The following C2orf74 variants were observed in gnomAD, a reference collection of about 807,000 sequenced individuals.
C2orf74 encodes the protein DPM1 ER membrane anchor 1.
Under a neutral mutation model 17.9 loss-of-function variants are expected in C2orf74, and 14 were observed. The ratio of observed to expected loss-of-function variants is 0.78; its 90% CI spans 0.52 to 1.22. The LOEUF (loss-of-function observed/expected upper bound fraction) is 1.22. Ranked by LOEUF, C2orf74 falls within the 50% of genes most tolerant of loss-of-function variation. The probability of loss-of-function intolerance (pLI) is 0.00; values close to 1 mark genes in which losing one functional copy is unlikely to be tolerated. For missense variants in C2orf74, 217 were observed against 218.4 expected, an observed-to-expected ratio of 0.99 and a Z score of 0.04; for synonymous variants, 79 against 72.6, an observed-to-expected ratio of 1.09 and a Z score of -0.44.
intron 1 of C2orf74, among the ~76,000 whole-genome samples, chr2:61,146,774 G>A (rs1335325309): frequency 6.6e-6 from 1 of 152,072 alleles, no homozygotes; most frequent in East Asian, 1.9e-4. Flanking sequence ...GGGAGTCGGA[G>A]GTTGCAGTGA....
In C2orf74 at chr2:61,162,412, C is replaced by G; in HGVS notation, c.-99-4C>G. The G allele has an allele frequency of 4.6e-6, 4 of 862,478 alleles. No individual in the cohort carries two copies. The highest frequency in any genetic ancestry group is 7.3e-6 in the Non-Finnish European group (4 of 550,978). 53.4% of individuals were successfully genotyped at this position (862,478 alleles called of 1,614,324 possible). A position where few individuals can be genotyped will look rare whatever the true frequency, so the allele number is the denominator to read the frequency against. ...AAAACAGCTTTTTATTCCTCTGTTT[C>G]TAGAAAACTTAAAGAACAAGAGAAC... On this transcript the variant is annotated splice_polypyrimidine_tract_variant and splice_region_variant and intron_variant, in intron 1 of 4. Coordinates refer to ENST00000432605, the MANE Select transcript of C2orf74 (RefSeq NM_001143959.4).
chr2:61,148,445 C>G (rs1685133339), intron 1 of C2orf74, among the ~76,000 whole-genome samples: 1 of 152,028 alleles, frequency 6.6e-6, no homozygotes, highest in Non-Finnish European at 1.5e-5. Context: ...CCTCAGCCTC[C>G]CAAAATGCTG....
chr2:61,157,035 TTGAC>T (rs1685411977), intron 1 of C2orf74, among the ~76,000 whole-genome samples: 2 of 152,196 alleles, frequency 1.3e-5, no homozygotes, highest in South Asian at 4.1e-4. Flanking sequence ...GATTGATTGA[TTGAC>T]TGATCGATTG....
upstream of C2orf74, among the ~76,000 whole-genome samples, chr2:61,157,290 C>T (rs1307086926): frequency 1.3e-5 from 2 of 152,212 alleles, no homozygotes; most frequent in African/African-American, 2.4e-5. Context: ...ATCCACCTGC[C>T]TCAGCCTCCC....
At chr2:61,153,424 G>T (rs1185494478) in intron 1 of C2orf74, among the ~76,000 whole-genome samples, 1 of 151,286 alleles carries the variant, frequency 6.6e-6, no homozygotes, top group East Asian at 2.0e-4. Context: ...GGGACTACAG[G>T]CGCCCACCAC....
chr2:61,162,494 A>C lies in C2orf74; in HGVS notation c.-21A>C. On this transcript the variant is annotated 5_prime_UTR_variant, in exon 2 of 5. It removes an upstream start codon present in the reference 5' UTR. Transcript: ENST00000432605. ...GGACAGTCTGTGATTGTGAGAGTGGATGAGTCTTCTAGCTAAACCTATGAG... is the reference window on the plus strand; with the variant it reads ...GGACAGTCTGTGATTGTGAGAGTGGCTGAGTCTTCTAGCTAAACCTATGAG... The C allele has an allele frequency of 3.9e-6, 6 of 1,532,158 alleles. No homozygotes were observed. Among genetic ancestry groups the C allele is most frequent in the Non-Finnish European group, 5.3e-6 (6 of 1,130,532 alleles). 94.9% of individuals were successfully genotyped at this position (1,532,158 alleles called of 1,614,324 possible). A position where few individuals can be genotyped will look rare whatever the true frequency, so the allele number is the denominator to read the frequency against.
intron 1 of C2orf74, among the ~76,000 whole-genome samples, chr2:61,149,437 C>A (rs1685160002): frequency 6.6e-6 from 1 of 152,106 alleles, no homozygotes; most frequent in African/African-American, 2.4e-5. Context: ...GAGCTAAAGT[C>A]AGAAAAACTT....
intron 1 of C2orf74, among the ~76,000 whole-genome samples, chr2:61,155,149 A>G (rs1425843080): frequency 6.6e-6 from 1 of 152,240 alleles, no homozygotes; most frequent in African/African-American, 2.4e-5. Context: ...AGTTGCTCAA[A>G]TGACAAATTT....
chr2:61,149,559 A>T, intron 1 of C2orf74, among the ~76,000 whole-genome samples: 1 of 142,268 alleles, frequency 7.0e-6, no homozygotes, highest in South Asian at 2.3e-4. Flanking sequence ...CCCCGTCTAG[A>T]TGTTGGGCGC....
intron 1 of C2orf74, among the ~76,000 whole-genome samples, chr2:61,148,327 C>T (rs1219661796): frequency 6.6e-6 from 1 of 151,680 alleles, no homozygotes; most frequent in Non-Finnish European, 1.5e-5. Context: ...GCTGGGATTA[C>T]AGGTGCCTGC....
intron 1 of C2orf74, among the ~76,000 whole-genome samples, chr2:61,146,363 C>G (rs1214932642): frequency 6.6e-6 from 1 of 152,026 alleles, no homozygotes; most frequent in African/African-American, 2.4e-5. Flanking sequence ...TAAATTCTGG[C>G]AATATACTCA....
intron 1 of C2orf74, among the ~76,000 whole-genome samples, chr2:61,147,728 TG>T (rs1202203323): frequency 6.6e-6 from 1 of 152,172 alleles, no homozygotes; most frequent in East Asian, 1.9e-4. Flanking sequence ...ATTATTTGTG[TG>T]GCAAATATTT....
At chr2:61,155,026 C>G (rs541991846) in intron 1 of C2orf74, among the ~76,000 whole-genome samples, 1 of 152,078 alleles carries the variant, frequency 6.6e-6, no homozygotes, top group Non-Finnish European at 1.5e-5. Context: ...GATCACACCA[C>G]TGCACTCCAG....
At chr2:61,152,423 C>T (rs532026225) in intron 1 of C2orf74, among the ~76,000 whole-genome samples, 1 of 152,026 alleles carries the variant, frequency 6.6e-6, no homozygotes, top group South Asian at 2.1e-4. Flanking sequence ...CACCTGTAGT[C>T]CCAGCTACTC....
chr2:61,158,370 C>G (rs150232685), upstream of C2orf74, among the ~76,000 whole-genome samples: 416 of 152,194 alleles, frequency 2.7e-3, 2 homozygotes, highest in African/African-American at 9.3e-3. Flanking sequence ...TATGAAAGAC[C>G]CTGTCACTTC....
At chr2:61,162,034 G>A (rs1423764913), upstream of C2orf74, 1 of 159,834 alleles carries the variant, frequency 6.3e-6, no homozygotes, top group Non-Finnish European at 1.4e-5. Context: ...TCAGAAGAGG[G>A]GGACGAACAG....
upstream of C2orf74, chr2:61,162,064 C>T (rs1225236398): frequency 1.8e-5 from 3 of 162,902 alleles, no homozygotes; most frequent in African/African-American, 7.2e-5. Context: ...TCGTGGTTCT[C>T]CAGCCTCCAG....
upstream of C2orf74, among the ~76,000 whole-genome samples, chr2:61,158,929 A>G (rs1366949405): frequency 6.6e-6 from 1 of 152,208 alleles, no homozygotes; most frequent in Admixed American, 6.5e-5. Flanking sequence ...AGGAAGCCCA[A>G]TGGATGGTGA....
intron 1 of C2orf74, among the ~76,000 whole-genome samples, chr2:61,150,602 A>G (rs777046195): frequency 4.5e-4 from 69 of 152,144 alleles, no homozygotes; most frequent in Non-Finnish European, 8.7e-4. Flanking sequence ...CAGCTACAAG[A>G]GGAGACATGA....
Sources: gnomAD v4.1 joint callset for allele counts (sites outside exome capture counted in the v4.1 genomes callset) on GRCh38, gnomAD v4.1.1 for gene constraint, MANE v1.5 for transcripts, NCBI Gene and HGNC (gene_info 2026-07-23, HGNC 2026-07-21) for gene names.